The following NECAB1 variants were observed in gnomAD, a reference collection of about 807,000 sequenced individuals.
NECAB1 encodes the protein N-terminal EF-hand calcium binding protein 1, also known as N-terminal EF-hand calcium-binding protein 1.
NECAB1 carries 29 observed loss-of-function variants against 57.5 expected under a neutral mutation model. The observed-to-expected ratio is 0.50, with a 90% CI of 0.38 to 0.69. The LOEUF (loss-of-function observed/expected upper bound fraction) is 0.69. NECAB1 is among the 30% of genes least tolerant of loss of function. The probability of loss-of-function intolerance (pLI) is 0.00; values close to 1 mark genes in which losing one functional copy is unlikely to be tolerated. For synonymous variants in NECAB1, 142 were observed against 147.7 expected (o/e 0.96, Z 0.28); for missense variants, 372 against 413.8 (o/e 0.90, Z 0.88).
rs746712715 is a variant in NECAB1, at chr8:90,800,970, T to C, written c.100-721T>C. Among the ~76,000 whole-genome samples the C allele has an allele frequency of 8.5e-4, 130 of 152,320 alleles. 1 individual carries two copies. Among genetic ancestry groups the C allele is most frequent in the Admixed American group, 2.1e-3 (32 of 15,312 alleles). ...ATACCGGATGGCCAAATAGTTCTTA[T>C]ACATCAAGACAATTTAAAATACGTC... On this transcript the variant is annotated intron_variant, in intron 1 of 12. Transcript: ENST00000417640.
intron 5 of NECAB1, among the ~76,000 whole-genome samples, chr8:90,910,162 T>A (rs1809793664): frequency 6.6e-6 from 1 of 152,098 alleles, no homozygotes; most frequent in African/African-American, 2.4e-5. Flanking sequence ...TCACTTCATT[T>A]CTGAGTTAAT....
At chr8:90,816,132 C>G (rs1563495231) in intron 2 of NECAB1, among the ~76,000 whole-genome samples, 1 of 151,820 alleles carries the variant, frequency 6.6e-6, no homozygotes, top group Non-Finnish European at 1.5e-5. Context: ...ATCTCAAATG[C>G]TTGTTTGTCA....
At chr8:90,915,421 T>G (rs1809927132) in intron 5 of NECAB1, among the ~76,000 whole-genome samples, 1 of 152,148 alleles carries the variant, frequency 6.6e-6, no homozygotes, top group Non-Finnish European at 1.5e-5. Context: ...ATTTGGAATA[T>G]TTTTAGCTTG....
At chr8:90,795,977 C>G (rs1346140300) in intron 1 of NECAB1, among the ~76,000 whole-genome samples, 1 of 151,924 alleles carries the variant, frequency 6.6e-6, no homozygotes, top group South Asian at 2.1e-4. Context: ...ACATGTACCC[C>G]GGAACTTAAA....
intron 5 of NECAB1, among the ~76,000 whole-genome samples, chr8:90,896,227 A>G (rs1255526071): frequency 2.0e-5 from 3 of 152,224 alleles, no homozygotes; most frequent in Non-Finnish European, 4.4e-5. Context: ...AAGCTAAGAC[A>G]TGTTTAAAAA....
chr8:90,803,349 T>C (rs1811792231), intron 2 of NECAB1, among the ~76,000 whole-genome samples: 1 of 152,224 alleles, frequency 6.6e-6, no homozygotes, highest in South Asian at 2.1e-4. Flanking sequence ...TGTATTTTAA[T>C]AGCAGTCTCC....
chr8:90,829,468 T>G (rs1812270805), intron 3 of NECAB1, among the ~76,000 whole-genome samples: 1 of 152,032 alleles, frequency 6.6e-6, no homozygotes, highest in Non-Finnish European at 1.5e-5. Flanking sequence ...CCCAGCACAC[T>G]GCACTTTGGA....
At chr8:90,892,892 C>T (rs1809221070) in intron 5 of NECAB1, among the ~76,000 whole-genome samples, 1 of 152,174 alleles carries the variant, frequency 6.6e-6, no homozygotes, top group Non-Finnish European at 1.5e-5. Flanking sequence ...CCAGAGCACA[C>T]AGGCCCACCC....
At chr8:90,918,032 T>C (rs1460971842) in intron 6 of NECAB1, among the ~76,000 whole-genome samples, 3 of 147,908 alleles carry the variant, frequency 2.0e-5, no homozygotes, top group Non-Finnish European at 4.5e-5. Flanking sequence ...TTTTTTGAGA[T>C]GGAGTCTCAC....
rs370814468 is a variant in NECAB1, at chr8:90,825,240, G to A, written c.233+415G>A. Reference sequence around the variant, plus strand: ...AAGGAAGAATTGTAGCAGTTATCTGGACAATTCAGGTGTGCTGAATTCCAA... The same window carrying A: ...AAGGAAGAATTGTAGCAGTTATCTGAACAATTCAGGTGTGCTGAATTCCAA... On this transcript the variant is annotated intron_variant, in intron 3 of 12. Coordinates refer to ENST00000417640, the MANE Select transcript of NECAB1 (RefSeq NM_022351.5). 2.6e-5 allele frequency: 4 copies of A among 152,214 alleles called. No individual in the cohort carries two copies. The South Asian group carries it at 8.3e-4, about 31-fold the overall frequency. 9.4% of individuals were successfully genotyped at this position (152,214 alleles called of 1,614,324 possible). A position where few individuals can be genotyped will look rare whatever the true frequency, so the allele number is the denominator to read the frequency against.
chr8:90,851,177 C>T (rs1272814532), intron 3 of NECAB1, among the ~76,000 whole-genome samples: 1 of 152,228 alleles, frequency 6.6e-6, no homozygotes, highest in Non-Finnish European at 1.5e-5. Context: ...AAGCTCCATG[C>T]ACCACTGCCC....
Position 90,959,036 on chromosome 8 carries a change from A to C in NECAB1, c.*3524A>C. On this transcript the variant is annotated 3_prime_UTR_variant, in exon 13 of 13. Transcript: ENST00000417640. ...TTAAAACTTTGGTTGTTTTCCTGTA[A>C]TATAAAAGAAAAAGTTAATTTATCA... The C allele has an allele frequency of 7.6e-7, 1 of 1,312,920 alleles. No individual in the cohort carries two copies. Among genetic ancestry groups the C allele is most frequent in the Non-Finnish European group, 1.0e-6 (1 of 970,492 alleles). The allele number at this position is 1,312,920 out of a possible 1,614,324, so 81.3% of individuals were successfully genotyped here. A position where few individuals can be genotyped will look rare whatever the true frequency, so the allele number is the denominator to read the frequency against.
intron 5 of NECAB1, among the ~76,000 whole-genome samples, chr8:90,910,446 A>G (rs1004170219): frequency 6.6e-6 from 1 of 152,124 alleles, no homozygotes; most frequent in Admixed American, 6.6e-5. Context: ...TTGTTTTTCT[A>G]ACTTCACAGG....
At chr8:90,834,511 C>T (rs1047791380) in intron 3 of NECAB1, among the ~76,000 whole-genome samples, 1 of 152,040 alleles carries the variant, frequency 6.6e-6, no homozygotes, top group African/African-American at 2.4e-5. Flanking sequence ...AAAGTGCCAT[C>T]GATGAGTAAC....
At chr8:90,947,351 C>CACACACACACACACAG (rs1342952213) in intron 10 of NECAB1, among the ~76,000 whole-genome samples, 1,390 of 125,216 alleles carry the variant, frequency 0.011, 58 homozygotes, top group East Asian at 0.039. Flanking sequence ...CACACACACA[C>CACACACACACACACAG]AATAAGCCAA....
At chr8:90,809,573 T>A (rs559123031) in intron 2 of NECAB1, among the ~76,000 whole-genome samples, 6 of 152,226 alleles carry the variant, frequency 3.9e-5, no homozygotes, top group Non-Finnish European at 7.3e-5. Flanking sequence ...ATGAAGGCAT[T>A]TACTGACGTG....
intron 4 of NECAB1, among the ~76,000 whole-genome samples, chr8:90,877,375 T>A (rs1275183384): frequency 6.6e-6 from 1 of 152,156 alleles, no homozygotes; most frequent in Non-Finnish European, 1.5e-5. Context: ...GATGTCACTC[T>A]CCTTTCCATG....
At chr8:90,934,185 A>G (rs1034670127) in intron 8 of NECAB1, 119 bp from the exon 9 acceptor site, 2 of 671,662 alleles carry the variant, frequency 3.0e-6, no homozygotes, top group Non-Finnish European at 5.0e-6. Flanking sequence ...TTCATCTTTA[A>G]GATAATGAAG....
intron 4 of NECAB1, among the ~76,000 whole-genome samples, chr8:90,876,529 C>T (rs905351395): frequency 6.6e-6 from 1 of 152,020 alleles, no homozygotes; most frequent in African/African-American, 2.4e-5. Context: ...GGGTCCTTTG[C>T]TTCTGACAGA....
Sources: allele counts gnomAD v4.1 joint callset (sites outside exome capture counted in the v4.1 genomes callset), GRCh38; gene constraint gnomAD v4.1.1; transcripts MANE v1.5; gene names NCBI Gene and HGNC (gene_info 2026-07-23, HGNC 2026-07-21).